Variants in RPS6KC1 observed in about 807,000 individuals in gnomAD.
The protein encoded by RPS6KC1 is ribosomal protein S6 kinase C1, also known as inactive ribosomal protein S6 kinase delta-1.
In RPS6KC1, 54 loss-of-function variants were observed where a neutral mutation model predicts 103.8. The observed-to-expected ratio is 0.52, with a 90% confidence interval of 0.42 to 0.65. RPS6KC1 has a LOEUF of 0.65. RPS6KC1 is among the 30% of genes least tolerant of loss of function. The pLI is 0.00. For missense variants in RPS6KC1, 1,151 were observed against 1,253.8 expected (o/e 0.92, Z 1.24); for synonymous variants, 439 against 438.7 (o/e 1.00, Z -0.01).
At chr1:213,789,015 T>C in the RPS6KC1 span, among the ~76,000 whole-genome samples, 6 of 152,236 alleles carry the variant, frequency 3.9e-5, no homozygotes, top group Non-Finnish European at 8.8e-5. Flanking sequence ...TGTGGAAAAC[T>C]AGGGCCCAAG....
the RPS6KC1 span, among the ~76,000 whole-genome samples, chr1:213,306,207 G>T: frequency 6.6e-6 from 1 of 152,204 alleles, no homozygotes; most frequent in Non-Finnish European, 1.5e-5. Context: ...CACTTTGGAA[G>T]TGACACAGTT....
the RPS6KC1 span, among the ~76,000 whole-genome samples, chr1:213,281,368 A>C: frequency 6.6e-6 from 1 of 152,190 alleles, no homozygotes; most frequent in Non-Finnish European, 1.5e-5. Context: ...TCTTCCTTCA[A>C]ACCCTAAACT....
At chr1:213,788,648 T>G in the RPS6KC1 span, among the ~76,000 whole-genome samples, 1 of 152,042 alleles carries the variant, frequency 6.6e-6, no homozygotes, top group African/African-American at 2.4e-5. Flanking sequence ...CTACATATAC[T>G]CAGGAGAGGG....
intron 8 of RPS6KC1, among the ~76,000 whole-genome samples, chr1:213,228,133 A>T (rs1338042306): frequency 6.6e-6 from 1 of 152,198 alleles, no homozygotes; most frequent in East Asian, 1.9e-4. Flanking sequence ...AAAACAGCAG[A>T]AGAAAGGAAG....
the RPS6KC1 span, among the ~76,000 whole-genome samples, chr1:213,648,108 A>G: frequency 6.6e-6 from 1 of 152,250 alleles, no homozygotes; most frequent in East Asian, 1.9e-4. Flanking sequence ...TCTATATGAC[A>G]AGTCATCAAG....
At chr1:213,237,220 A>G (rs1259676129) in intron 10 of RPS6KC1, among the ~76,000 whole-genome samples, 2 of 152,140 alleles carry the variant, frequency 1.3e-5, no homozygotes, top group African/African-American at 4.8e-5. Context: ...GTGATTAAAA[A>G]TAAGGACTGT....
chr1:213,545,380 A>AAATAAATAAATAAATC, the RPS6KC1 span, among the ~76,000 whole-genome samples: 3 of 96,034 alleles, frequency 3.1e-5, 1 homozygote, highest in Admixed American at 3.4e-4. Context: ...TCAAATAAAT[A>AAATAAATAAATAAATC]AATAAATAAA....
At chr1:213,575,565 C>T in the RPS6KC1 span, among the ~76,000 whole-genome samples, 1 of 152,176 alleles carries the variant, frequency 6.6e-6, no homozygotes, top group Admixed American at 6.5e-5. Context: ...TTGCTGCTGC[C>T]ATGTGAAGAA....
chr1:213,595,950 A>AT, the RPS6KC1 span, among the ~76,000 whole-genome samples: 13 of 151,704 alleles, frequency 8.6e-5, no homozygotes, highest in South Asian at 2.1e-4. Flanking sequence ...TATATTGGGG[A>AT]TTTTTTTTTT....
the RPS6KC1 span, among the ~76,000 whole-genome samples, chr1:213,384,481 A>T: frequency 5.3e-4 from 81 of 152,200 alleles, no homozygotes; most frequent in African/African-American, 1.9e-3. Flanking sequence ...ATCTTGGCAG[A>T]CTATGGAGGA....
chr1:213,189,892 G>A (rs565646210), intron 8 of RPS6KC1, among the ~76,000 whole-genome samples: 1 of 152,258 alleles, frequency 6.6e-6, no homozygotes, highest in East Asian at 1.9e-4. Flanking sequence ...AAATAAGTGA[G>A]TACATGCAAA....
At chr1:213,594,116 C>T in the RPS6KC1 span, among the ~76,000 whole-genome samples, 22 of 152,156 alleles carry the variant, frequency 1.4e-4, no homozygotes, top group Non-Finnish European at 2.2e-4. Flanking sequence ...CCACCTACCT[C>T]AGCCTCCCAA....
the RPS6KC1 span, among the ~76,000 whole-genome samples, chr1:213,703,489 A>T: frequency 6.6e-6 from 1 of 152,054 alleles, no homozygotes; most frequent in South Asian, 2.1e-4. Flanking sequence ...CATCCTTTTC[A>T]TCCTGACTGA....
chr1:213,072,382 A>G (rs1246051973), intron 2 of RPS6KC1, among the ~76,000 whole-genome samples: 1 of 152,026 alleles, frequency 6.6e-6, no homozygotes, highest in East Asian at 1.9e-4. Context: ...TAAAACAGAT[A>G]TATTTTTATA....
At chr1:213,837,941 A>G in the RPS6KC1 span, among the ~76,000 whole-genome samples, 1 of 152,164 alleles carries the variant, frequency 6.6e-6, no homozygotes, top group African/African-American at 2.4e-5. Context: ...GCACTCAGTC[A>G]AAATTGCATG....
the RPS6KC1 span, among the ~76,000 whole-genome samples, chr1:213,362,041 A>G: frequency 5.9e-5 from 9 of 152,090 alleles, no homozygotes; most frequent in South Asian, 2.1e-4. Flanking sequence ...CTCTTTTTGC[A>G]TATATCCTTC....
the RPS6KC1 span, among the ~76,000 whole-genome samples, chr1:213,804,185 A>AAC: frequency 6.7e-6 from 1 of 149,862 alleles, no homozygotes; most frequent in East Asian, 1.9e-4. Flanking sequence ...AAAAAAAAAA[A>AAC]AAAAAAAAAA....
chr1:213,291,925 A>G, the RPS6KC1 span, among the ~76,000 whole-genome samples: 1 of 152,150 alleles, frequency 6.6e-6, no homozygotes, highest in African/African-American at 2.4e-5. Context: ...ATTTTTGTAT[A>G]AGGTGTAAGG....
chr1:213,752,250 G>C, the RPS6KC1 span, among the ~76,000 whole-genome samples: 2 of 151,996 alleles, frequency 1.3e-5, no homozygotes, highest in Non-Finnish European at 1.5e-5. Flanking sequence ...AGTTGACCTA[G>C]ACTAGGGTCG....
Sources: gnomAD v4.1 joint callset for allele counts (sites outside exome capture counted in the v4.1 genomes callset) on GRCh38, gnomAD v4.1.1 for gene constraint, MANE v1.5 for transcripts, NCBI Gene and HGNC (gene_info 2026-07-23, HGNC 2026-07-21) for gene names.